Variants in ANK3 observed in about 807,000 individuals in gnomAD.
The protein encoded by ANK3 is ankyrin 3.
Under a neutral mutation model 370.9 loss-of-function variants are expected in ANK3, and 57 were observed. The observed-to-expected ratio is 0.15, with a 90% CI of 0.12 to 0.19. The LOEUF is 0.19. ANK3 is among the 10% of genes least tolerant of loss of function. The probability of loss-of-function intolerance (pLI) is 1.00; values close to 1 mark genes in which losing one functional copy is unlikely to be tolerated. For synonymous variants in ANK3, 1,929 were observed against 1,946.3 expected (o/e 0.99, Z 0.23); for missense variants, 4,439 against 5,302.1 (o/e 0.84, Z 5.06).
chr10:60,513,458 G>A (rs574993884), intron 2 of ANK3, among the ~76,000 whole-genome samples: 1 of 152,076 alleles, frequency 6.6e-6, no homozygotes, highest in East Asian at 1.9e-4. Flanking sequence ...GAGAACCAGG[G>A]AGACTTTTTT....
At chr10:60,059,953 G>T (rs1443850503) in intron 40 of ANK3, 5 of 1,613,266 alleles carry the variant, frequency 3.1e-6, no homozygotes, top group South Asian at 2.2e-5. Context: ...GGGGTAGGTG[G>T]TGTGTAGTGC....
intron 6 of ANK3, 122 bp downstream of exon 6, chr10:60,263,713 C>A: frequency 8.9e-7 from 1 of 1,123,300 alleles, no homozygotes; most frequent in Non-Finnish European, 1.3e-6. Context: ...ACACATTGTT[C>A]CTCCCTTCAA....
At chr10:60,468,995 G>GTATATATATATATATA (rs1464396090) in intron 2 of ANK3, among the ~76,000 whole-genome samples, 572 of 34,524 alleles carry the variant, frequency 0.017, 170 homozygotes, top group Non-Finnish European at 0.029. Context: ...CACTTTTAGT[G>GTATATATATATATATA]TGTATATATA....
At chr10:60,198,946 G>T (rs539674663) in intron 13 of ANK3, among the ~76,000 whole-genome samples, 1 of 152,258 alleles carries the variant, frequency 6.6e-6, no homozygotes, top group South Asian at 2.1e-4. Context: ...TTATTTTGTT[G>T]GTTCTGCCTT....
chr10:60,251,186 A>G (rs1462858370), intron 7 of ANK3, among the ~76,000 whole-genome samples: 6 of 152,148 alleles, frequency 3.9e-5, no homozygotes, highest in Non-Finnish European at 8.8e-5. Context: ...ATTAGTTTGA[A>G]TTTTGTGTTG....
At chr10:60,043,042 T>G in intron 42 of ANK3, 1 of 1,162,448 alleles carries the variant, frequency 8.6e-7, no homozygotes. Flanking sequence ...CCATTTCCTA[T>G]AGTAAGCTAA....
intron 4 of ANK3, among the ~76,000 whole-genome samples, chr10:60,272,639 C>T (rs1260228391): frequency 6.6e-6 from 1 of 152,074 alleles, no homozygotes; most frequent in Admixed American, 6.6e-5. Context: ...GCCACCTCGC[C>T]CGGCTAATTT....
At chr10:60,108,074 A>C (rs2092375157) in intron 27 of ANK3, 1 of 279,272 alleles carries the variant, frequency 3.6e-6, no homozygotes, top group Admixed American at 4.8e-5. Flanking sequence ...AAAAAAACTT[A>C]AAAAATAAAA....
intron 4 of ANK3, among the ~76,000 whole-genome samples, chr10:60,274,769 C>T (rs189693493): frequency 9.8e-5 from 15 of 152,306 alleles, no homozygotes; most frequent in African/African-American, 3.6e-4. Flanking sequence ...AATAAATTCC[C>T]TCTTGTGCTT....
At chr10:60,081,544 A>C (rs1037566683) in intron 35 of ANK3, 2 of 439,840 alleles carry the variant, frequency 4.5e-6, no homozygotes, top group Non-Finnish European at 9.0e-6. Context: ...GTCAAGATAA[A>C]TTTCTTTAGT....
chr10:60,072,741 T>C lies in ANK3; in HGVS notation c.8140A>G (p.Lys2714Glu). ...AATTTTAATCTAATGGAACTGAGTT[T>C]AGATTGTTTGAGCTGGAATCCAGAC... is the stretch of plus-strand genomic sequence containing the variant. ...PQSGFQLKQSKLSSIRLKFEQ... is the reference protein window; with the variant it reads ...PQSGFQLKQSELSSIRLKFEQ... The change falls in exon 37 of 44, where the codon AAA (lysine) becomes GAA (glutamate). Residue 2714 changes from lysine to glutamate, a missense_variant. By Grantham distance (56) the Lys-to-Glu change is moderately conservative (BLOSUM62 1). Coordinates refer to ENST00000280772, the MANE Select transcript of ANK3 (RefSeq NM_020987.5). 1 of 1,614,120 alleles carries C rather than the reference T, an allele frequency of 6.2e-7. No homozygotes were observed. Among genetic ancestry groups the C allele is most frequent in the Non-Finnish European group, 8.5e-7 (1 of 1,179,996 alleles).
At chr10:60,504,945 G>A (rs1355666415) in intron 2 of ANK3, among the ~76,000 whole-genome samples, 5 of 152,066 alleles carry the variant, frequency 3.3e-5, no homozygotes, top group African/African-American at 1.2e-4. Flanking sequence ...TGTAAACTAG[G>A]GATTAGAGCA....
chr10:60,298,270 T>C (rs188081437), intron 1 of ANK3, among the ~76,000 whole-genome samples: 263 of 152,290 alleles, frequency 1.7e-3, no homozygotes, highest in African/African-American at 6.2e-3. Context: ...TTCTAGTTCT[T>C]CCATACAGAA....
intron 7 of ANK3, among the ~76,000 whole-genome samples, chr10:60,248,249 G>T (rs983242081): frequency 6.6e-6 from 1 of 152,180 alleles, no homozygotes; most frequent in African/African-American, 2.4e-5. Context: ...AGGAAATGAT[G>T]AGCTGCTTTC....
At chr10:60,311,904 A>G (rs1167912044) in intron 1 of ANK3, among the ~76,000 whole-genome samples, 2 of 152,112 alleles carry the variant, frequency 1.3e-5, no homozygotes, top group Non-Finnish European at 2.9e-5. Context: ...CATTTAATCA[A>G]TTTCTCACTT....
At chr10:60,178,492 C>T (rs774232622) in intron 18 of ANK3, among the ~76,000 whole-genome samples, 3 of 152,120 alleles carry the variant, frequency 2.0e-5, no homozygotes, top group African/African-American at 7.2e-5. Flanking sequence ...TAGAATAGTA[C>T]CCGGCATAGA....
chr10:60,438,711 C>CATA (rs1282371170), intron 2 of ANK3, among the ~76,000 whole-genome samples: 3 of 152,180 alleles, frequency 2.0e-5, no homozygotes, highest in African/African-American at 4.8e-5. Flanking sequence ...GCAGTAATGA[C>CATA]ATAAGGAAGG....
intron 2 of ANK3, among the ~76,000 whole-genome samples, chr10:60,450,954 G>A (rs2064585609): frequency 6.6e-6 from 1 of 152,156 alleles, no homozygotes; most frequent in Non-Finnish European, 1.5e-5. Flanking sequence ...TGGAATAACG[G>A]TCTTTGCAGA....
chr10:60,502,969 G>A (rs1285794338), intron 2 of ANK3, among the ~76,000 whole-genome samples: 3 of 148,682 alleles, frequency 2.0e-5, no homozygotes, highest in Non-Finnish European at 3.0e-5. Context: ...AAGGAAGGGC[G>A]GGCAAGCAAG....
Sources: allele counts gnomAD v4.1 joint callset (sites outside exome capture counted in the v4.1 genomes callset), GRCh38; gene constraint gnomAD v4.1.1; transcripts MANE v1.5; gene names NCBI Gene and HGNC (gene_info 2026-07-23, HGNC 2026-07-21).